The following ZNF577 variants were observed in gnomAD, a reference collection of about 807,000 sequenced individuals.
ZNF577 encodes zinc finger protein 577.
A neutral mutation model predicts 13.9 loss-of-function variants in ZNF577; 14 were observed. The ratio of observed to expected loss-of-function variants is 1.00; its 90% CI spans 0.66 to 1.57. ZNF577 has a LOEUF of 1.57. Among genes scored for constraint, ZNF577 ranks in the 40% most tolerant of loss-of-function variants. The probability of loss-of-function intolerance (pLI) is 0.00; values close to 1 mark genes in which losing one functional copy is unlikely to be tolerated. For missense variants in ZNF577, 555 were observed against 579.2 expected (o/e 0.96, Z 0.43); for synonymous variants, 203 against 202.9 (o/e 1.00, Z 0.00).
intron 5 of ZNF577, among the ~76,000 whole-genome samples, chr19:51,847,976 G>A (rs752207231): frequency 7.9e-5 from 12 of 152,168 alleles, no homozygotes; most frequent in African/African-American, 1.2e-4. Context: ...AGGAATGATC[G>A]CTCAGCAATA....
At chr19:51,810,687 G>A (rs1371625359) in intron 10 of ZNF577, among the ~76,000 whole-genome samples, 7 of 152,274 alleles carry the variant, frequency 4.6e-5, no homozygotes, top group Non-Finnish European at 7.4e-5. Context: ...AAGCAAGTTC[G>A]CATCAAGTGT....
chr19:51,845,429 T>A (rs2084346046), intron 5 of ZNF577, among the ~76,000 whole-genome samples: 1 of 151,658 alleles, frequency 6.6e-6, no homozygotes, highest in African/African-American at 2.4e-5. Context: ...GTGGAGGTTA[T>A]GGTCAGCGAA....
chr19:51,823,905 T>C, intron 9 of ZNF577: 2 of 1,614,120 alleles, frequency 1.2e-6, no homozygotes, highest in Non-Finnish European at 1.7e-6. Context: ...GGTGGCTGGA[T>C]TCCGGATGAC....
intron 9 of ZNF577, among the ~76,000 whole-genome samples, chr19:51,827,853 C>A (rs2084239865): frequency 6.6e-6 from 1 of 152,152 alleles, no homozygotes; most frequent in Non-Finnish European, 1.5e-5. Flanking sequence ...CAAAAGACAC[C>A]ACTCAACATG....
At chr19:51,880,158 T>C (rs2084838599) in intron 3 of ZNF577, among the ~76,000 whole-genome samples, 165 bp downstream of exon 3, 1 of 152,214 alleles carries the variant, frequency 6.6e-6, no homozygotes, top group Non-Finnish European at 1.5e-5. Flanking sequence ...CCAATCCAGT[T>C]TTCCTTTGGC....
At chr19:51,885,438 T>G (rs1308278292) in intron 1 of ZNF577, among the ~76,000 whole-genome samples, 1 of 152,222 alleles carries the variant, frequency 6.6e-6, no homozygotes, top group African/African-American at 2.4e-5. Context: ...TTTCCCATTA[T>G]GATTGGGCAT....
intron 9 of ZNF577, among the ~76,000 whole-genome samples, chr19:51,813,462 T>C (rs1162852230): frequency 2.0e-5 from 3 of 152,086 alleles, no homozygotes; most frequent in Non-Finnish European, 4.4e-5. Context: ...AAGGATGTCA[T>C]GTTTCAGTGG....
In ZNF577 at chr19:51,887,858, G is replaced by A. The variant is rs1303427019; in HGVS notation, c.-1256C>T. ...AGACCGATGACCTGTCTCCACTGCT[G>A]GAGGCGAGTCAGGGACCCGAAGTCT... is the stretch of plus-strand genomic sequence containing the variant. On this transcript the variant is annotated 5_prime_UTR_variant, in exon 1 of 6. Coordinates refer to ENST00000638348, the MANE Select transcript of ZNF577 (RefSeq NM_001370449.1). 1.3e-5 allele frequency: 2 copies of A among 152,192 alleles called. No individual in the cohort carries two copies. The highest frequency in any genetic ancestry group is 2.4e-5 in the African/African-American group (1 of 41,442). 9.4% of individuals were successfully genotyped at this position (152,192 alleles called of 1,614,324 possible).
At position 51,871,749 on chromosome 19, in the gene ZNF577, T is replaced by C; in HGVS notation, c.*783A>G. The C allele has an allele frequency of 6.6e-6, 1 of 151,932 alleles. No homozygotes were observed. The highest frequency in any genetic ancestry group is 1.9e-4 in the East Asian group (1 of 5,184). 9.4% of individuals were successfully genotyped at this position (151,932 alleles called of 1,614,324 possible). A position where few individuals can be genotyped will look rare whatever the true frequency, so the allele number is the denominator to read the frequency against. ...AGTGTTTGAGTGATGTAAGACTGAT[T>C]GGCCATTGCTGGTTTTGAAAGGAGG... On this transcript the variant is annotated 3_prime_UTR_variant, in exon 6 of 6. Coordinates refer to ENST00000638348, the MANE Select transcript of ZNF577 (RefSeq NM_001370449.1).
rs113420229 is a variant in ZNF577, at chr19:51,807,382, G to A, written c.*818-2128C>T. Reference sequence around the variant, plus strand: ...ACCTTTTGGTGGCAGCGCAGTGTGAGTTTGCCACATCCTGCATTCATGATA... The same window carrying A: ...ACCTTTTGGTGGCAGCGCAGTGTGAATTTGCCACATCCTGCATTCATGATA... On this transcript the variant is annotated intron_variant and NMD_transcript_variant, in intron 10 of 10. Coordinates refer to the ZNF577 transcript ENST00000638827. Among the ~76,000 whole-genome samples the A allele has an allele frequency of 5.1e-4, 78 of 152,310 alleles. 1 individual carries two copies. Among genetic ancestry groups the A allele is most frequent in the Non-Finnish European group, 7.2e-4 (49 of 68,018 alleles).
intron 5 of ZNF577, among the ~76,000 whole-genome samples, chr19:51,858,844 A>T (rs1451665494): frequency 6.6e-6 from 1 of 152,226 alleles, no homozygotes; most frequent in Non-Finnish European, 1.5e-5. Context: ...ATTTTTCTTC[A>T]TGTAAAAATT....
intron 5 of ZNF577, among the ~76,000 whole-genome samples, chr19:51,851,200 T>G (rs1182330509): frequency 6.6e-6 from 1 of 152,218 alleles, no homozygotes; most frequent in Non-Finnish European, 1.5e-5. Flanking sequence ...GCCAGTCATT[T>G]TGCCAGGCAT....
chr19:51,856,139 T>C (rs991368485), intron 5 of ZNF577, among the ~76,000 whole-genome samples: 4 of 152,238 alleles, frequency 2.6e-5, no homozygotes, highest in Admixed American at 2.0e-4. Context: ...AATGAAAGGA[T>C]GGATACGCAG....
At chr19:51,886,738 T>TA (rs2122739242) in intron 1 of ZNF577, 83 bp downstream of exon 1, 1 of 152,344 alleles carries the variant, frequency 6.6e-6, no homozygotes, top group Non-Finnish European at 1.5e-5. Flanking sequence ...TTTGCTCACT[T>TA]AATCTTCATA....
chr19:51,864,999 GA>G (rs2084544498), downstream of ZNF577, among the ~76,000 whole-genome samples: 3 of 152,228 alleles, frequency 2.0e-5, no homozygotes, highest in South Asian at 6.2e-4. Flanking sequence ...AAGATAAAAT[GA>G]AGTCTTCTCA....
chr19:51,872,780 T>C lies in ZNF577; in HGVS notation c.1210A>G (p.Ile404Val). Residue 404 changes from isoleucine to valine, a missense_variant, in exon 6 of 6, where the codon ATA (isoleucine) becomes GTA (valine). By Grantham distance (29) the Ile-to-Val change is conservative. Transcript: ENST00000638348. ...GTGTTCACAGTCTTTTGCTCTTGTA[T>C]GAGTTCGCTCATGTATAAGGAGGTA... Reference protein sequence around the residue: ...SHTSLYMSELIQEQKTVNTVP... With the variant: ...SHTSLYMSELVQEQKTVNTVP... 1.2e-6 allele frequency: 2 copies of C among 1,614,248 alleles called. No individual in the cohort carries two copies. The highest frequency in any genetic ancestry group is 8.5e-7 in the Non-Finnish European group (1 of 1,180,028).
chr19:51,843,783 T>A (rs1364986789), intron 6 of ZNF577, among the ~76,000 whole-genome samples: 1 of 152,166 alleles, frequency 6.6e-6, no homozygotes, highest in Non-Finnish European at 1.5e-5. Flanking sequence ...TGAGCACAAT[T>A]AGGTAAGGCC....
At chr19:51,860,428 T>C (rs1231047284) in intron 5 of ZNF577, 2 of 152,452 alleles carry the variant, frequency 1.3e-5, no homozygotes, top group East Asian at 3.8e-4. Flanking sequence ...CATTAGGATT[T>C]TATACCTGCA....
rs571121833 is a variant in ZNF577, at chr19:51,829,232, C to T, written c.*599+10661G>A. 2.3e-3 allele frequency among the ~76,000 whole-genome samples: 346 copies of T among 152,134 alleles called. 3 individuals carry two copies. The highest frequency in any genetic ancestry group is 6.4e-3 in the African/African-American group (267 of 41,496). ...AGGGGACTGGGCAGCTCACAGACAC[C>T]GAGGAGGGAGCTGTAAAGAGTCAGT... On this transcript the variant is annotated intron_variant and NMD_transcript_variant, in intron 9 of 10. Coordinates refer to the ZNF577 transcript ENST00000638827.
Sources: gnomAD v4.1 joint callset for allele counts (sites outside exome capture counted in the v4.1 genomes callset) on GRCh38, gnomAD v4.1.1 for gene constraint, MANE v1.5 for transcripts, NCBI Gene and HGNC (gene_info 2026-07-23, HGNC 2026-07-21) for gene names.